Variants in SMC2 observed in about 807,000 individuals in gnomAD.
SMC2 encodes the protein structural maintenance of chromosomes 2.
A neutral mutation model predicts 142.6 loss-of-function variants in SMC2; 41 were observed. The ratio of observed to expected loss-of-function variants is 0.29; its 90% CI spans 0.22 to 0.37. The LOEUF (loss-of-function observed/expected upper bound fraction) is 0.37. Ranked by LOEUF, SMC2 falls within the 10% of genes least tolerant of loss-of-function variation. SMC2 has a pLI of 1.00. For synonymous variants in SMC2, 463 were observed against 457.5 expected (o/e 1.01, Z -0.15); for missense variants, 1,265 against 1,373.7 (o/e 0.92, Z 1.25).
chr9:104,122,791 G>A (rs1833879765), intron 16 of SMC2, among the ~76,000 whole-genome samples: 4 of 151,740 alleles, frequency 2.6e-5, no homozygotes, highest in Admixed American at 2.6e-4. Flanking sequence ...GTGAGTAGTT[G>A]GTTTGATTTT....
rs1834749071 is a variant in SMC2 at position 104,129,874 on chromosome 9, C to T, written c.2991+29C>T. 8.4e-6 allele frequency: 13 copies of T among 1,547,854 alleles called. No individual in the cohort carries two copies. The East Asian group carries it at 2.0e-4, about 24-fold the overall frequency. On this transcript the variant is annotated intron_variant, in intron 21 of 24. Transcript: ENST00000374793. ...AGTCAATTTCTTATGAATATCTGGC[C>T]GCATTAGAACATGACTAGCATTGAC... is the stretch of plus-strand genomic sequence containing the variant.
intron 21 of SMC2, 44 bp from the exon 22 acceptor site, chr9:104,131,960 TAGAAG>T (rs766733718): frequency 1.1e-6 from 1 of 938,060 alleles, no homozygotes; most frequent in South Asian, 1.5e-5. Context: ...TTCCAGAATA[TAGAAG>T]AGATTTTATA....
chr9:104,106,355 G>C (rs1831778186), intron 9 of SMC2, among the ~76,000 whole-genome samples: 1 of 152,096 alleles, frequency 6.6e-6, no homozygotes, highest in Non-Finnish European at 1.5e-5. Context: ...GCAAGTCCTT[G>C]TTTCCACATA....
intron 16 of SMC2, among the ~76,000 whole-genome samples, chr9:104,121,740 C>G (rs1384766437): frequency 6.6e-6 from 1 of 151,806 alleles, no homozygotes. Flanking sequence ...GCAAGATTTT[C>G]ATAGTCAGGA....
rs755121798 is a variant in SMC2, at chr9:104,123,112, C to T, written c.2137C>T (p.Arg713Cys). The stretch of plus-strand genomic sequence containing the variant: ...ACATGTTTCTGTTTTTGTAAGGTAT[C>T]GCCAACTAAAACAGCAGTGGGAGAT... ...AGLKNTAEKYRQLKQQWEMKT... is the reference protein window; with the variant it reads ...AGLKNTAEKYCQLKQQWEMKT... The change falls in exon 17 of 25, where the codon CGC becomes TGC. Residue 713 changes from arginine to cysteine, a missense_variant. Coordinates refer to ENST00000374793, the MANE Select transcript of SMC2 (RefSeq NM_006444.3). 7.2e-5 allele frequency: 116 copies of T among 1,606,586 alleles called. No homozygotes were observed. Among genetic ancestry groups the T allele is most frequent in the Admixed American group, 1.4e-4 (8 of 58,670 alleles).
chr9:104,093,604 T>C (rs1830131671), upstream of SMC2, among the ~76,000 whole-genome samples: 1 of 152,162 alleles, frequency 6.6e-6, no homozygotes, highest in South Asian at 2.1e-4. Flanking sequence ...ACAGGTTAGG[T>C]CGGCTTATCA....
chr9:104,138,955 A>T (rs1270525256), intron 24 of SMC2, among the ~76,000 whole-genome samples, 184 bp from the exon 25 acceptor site: 2 of 152,288 alleles, frequency 1.3e-5, no homozygotes, highest in Middle Eastern at 3.4e-3. Flanking sequence ...TGGGTAATGA[A>T]GTACCCAAAG....
At chr9:104,092,831 T>C (rs958342281), upstream of SMC2, 1 of 152,228 alleles carries the variant, frequency 6.6e-6, no homozygotes, top group Non-Finnish European at 1.5e-5. Context: ...TTTAAAAACA[T>C]GACCTACGCT....
chr9:104,113,357 T>C lies in SMC2; in HGVS notation c.1296T>C (p.Asn432=). 6.2e-7 allele frequency: 1 copy of C among 1,611,176 alleles called. No individual in the cohort carries two copies. Among genetic ancestry groups the C allele is most frequent in the Non-Finnish European group, 8.5e-7 (1 of 1,178,676 alleles). The change falls in exon 11 of 25, where the codon AAT becomes AAC. Residue 432 remains asparagine (N), a synonymous_variant. Transcript: ENST00000374793. ...KLKHAQQELK[N]KQAEVKKMDS... ...AGCATGCTCAACAGGAATTAAAGAA[T>C]AAACAAGCTGAAGTTAAGAAGATGG...
At chr9:104,098,421 T>C (rs902497353) in intron 3 of SMC2, 25 bp from the exon 4 acceptor site, 1 of 1,552,218 alleles carries the variant, frequency 6.4e-7, no homozygotes, top group African/African-American at 1.4e-5. Flanking sequence ...TACATTAATA[T>C]TTAAAAAATT....
chr9:104,102,291 TATTG>T, intron 8 of SMC2, 98 bp downstream of exon 8: 1 of 1,061,434 alleles, frequency 9.4e-7, no homozygotes, highest in East Asian at 2.5e-5. Context: ...TTGTCTTCCG[TATTG>T]ATTTGTTAAT....
intron 9 of SMC2, among the ~76,000 whole-genome samples, chr9:104,104,447 G>A (rs1831521642): frequency 6.6e-6 from 1 of 152,172 alleles, no homozygotes; most frequent in Non-Finnish European, 1.5e-5. Context: ...CAGCAGCTGA[G>A]GGACCCCAGA....
chr9:104,111,546 A>C (rs1419921845), intron 9 of SMC2, 35 bp from the exon 10 acceptor site: 3 of 1,454,682 alleles, frequency 2.1e-6, no homozygotes, highest in Non-Finnish European at 2.9e-6. Context: ...TTTTCCTGAA[A>C]TATAATATTT....
intron 22 of SMC2, among the ~76,000 whole-genome samples, chr9:104,133,333 G>A (rs1007916318): frequency 6.6e-6 from 1 of 152,080 alleles, no homozygotes; most frequent in Admixed American, 6.6e-5. Flanking sequence ...TGAGCTGCCT[G>A]TCCCACACTT....
chr9:104,113,773 T>A (rs1245757121), intron 11 of SMC2, among the ~76,000 whole-genome samples, 191 bp from the exon 12 acceptor site: 2 of 152,172 alleles, frequency 1.3e-5, no homozygotes, highest in African/African-American at 4.8e-5. Context: ...ATGAAAATTG[T>A]GTTATTTGCC....
intron 23 of SMC2, among the ~76,000 whole-genome samples, chr9:104,134,998 G>C (rs1835379140): frequency 6.6e-6 from 1 of 152,038 alleles, no homozygotes; most frequent in Non-Finnish European, 1.5e-5. Context: ...GGTCTCTACT[G>C]TCCCTGAAGT....
At chr9:104,108,462 C>A (rs1832063771) in intron 9 of SMC2, among the ~76,000 whole-genome samples, 1 of 152,156 alleles carries the variant, frequency 6.6e-6, no homozygotes, top group African/African-American at 2.4e-5. Context: ...TGAAGGTCTG[C>A]ATTGTATGTG....
At chr9:104,116,440 A>T (rs950983502) in intron 14 of SMC2, 121 bp downstream of exon 14, 9 of 953,588 alleles carry the variant, frequency 9.4e-6, no homozygotes, top group Non-Finnish European at 1.2e-5. Context: ...ATACAAAAAA[A>T]TTGGGTTGGC....
At position 104,113,343 on chromosome 9, in the gene SMC2, C is replaced by A. The variant is rs745491224; in HGVS notation, c.1282C>A (p.Gln428Lys). The stretch of plus-strand genomic sequence containing the variant: ...TCAGATGAAGTTGAAGCATGCTCAA[C>A]AGGAATTAAAGAATAAACAAGCTGA... ...QAQMKLKHAQQELKNKQAEVK... is the reference protein window; with the variant it reads ...QAQMKLKHAQKELKNKQAEVK... Residue 428 changes from glutamine to lysine, a missense_variant, in exon 11 of 25, where the codon CAG becomes AAG. Physicochemically the swap from Gln to Lys is moderately conservative, Grantham distance 53. This residue lies in a region of SMC2 where 898 missense variants were observed against 904.2 expected (regional missense o/e 0.99). Transcript: ENST00000374793. The A allele has an allele frequency of 2.4e-5, 38 of 1,608,142 alleles. No individual in the cohort carries two copies. The highest frequency in any genetic ancestry group is 3.1e-5 in the Non-Finnish European group (36 of 1,177,474).
Sources: gnomAD v4.1 joint callset for allele counts (sites outside exome capture counted in the v4.1 genomes callset) on GRCh38, gnomAD v4.1.1 for gene constraint, gnomAD v4.1.1 regional missense constraint, MANE v1.5 for transcripts, NCBI Gene and HGNC (gene_info 2026-07-23, HGNC 2026-07-21) for gene names.